Variants in TENM2 observed in about 807,000 individuals in gnomAD.
The protein encoded by TENM2 is teneurin-2.
TENM2 carries 52 observed loss-of-function variants against 245.2 expected under a neutral mutation model. The observed-to-expected ratio is 0.21, with a 90% confidence interval of 0.17 to 0.27. The LOEUF (loss-of-function observed/expected upper bound fraction) is 0.27, where lower values mean the gene tolerates loss of function less well. Ranked by LOEUF, TENM2 falls within the 10% of genes least tolerant of loss-of-function variation. The pLI, the probability that TENM2 is intolerant of heterozygous loss-of-function variation, is 1.00. For missense variants in TENM2, 3,046 were observed against 3,666.8 expected (o/e 0.83, Z 4.37); for synonymous variants, 1,363 against 1,438.9 (o/e 0.95, Z 1.19).
chr5:168,249,519 G>T (rs1766908227), intron 27 of TENM2, among the ~76,000 whole-genome samples: 2 of 151,644 alleles, frequency 1.3e-5, no homozygotes, highest in South Asian at 4.2e-4. Context: ...GCATAATACA[G>T]AAGGGCTCAT....
At chr5:168,219,711 C>G (rs1371287125) in intron 23 of TENM2, among the ~76,000 whole-genome samples, 1 of 150,520 alleles carries the variant, frequency 6.6e-6, no homozygotes, top group African/African-American at 2.5e-5. Flanking sequence ...ATCTGGCTCT[C>G]CTAGGTGATG....
chr5:167,654,622 G>C (rs1754717127), intron 2 of TENM2, among the ~76,000 whole-genome samples: 1 of 150,834 alleles, frequency 6.6e-6, no homozygotes, highest in South Asian at 2.1e-4. Flanking sequence ...CTTCATTTTG[G>C]AGTCATCTAG....
At chr5:168,057,418 T>C (rs899470020) in intron 6 of TENM2, among the ~76,000 whole-genome samples, 4 of 152,082 alleles carry the variant, frequency 2.6e-5, no homozygotes, top group African/African-American at 9.7e-5. Context: ...TAATAAGGAA[T>C]GCCATTTAAG....
chr5:167,508,110 A>G (rs1401041078), intron 2 of TENM2, among the ~76,000 whole-genome samples: 2 of 152,180 alleles, frequency 1.3e-5, no homozygotes, highest in African/African-American at 4.8e-5. Context: ...GCACCCAGCC[A>G]GTTTGTTACA....
At chr5:167,062,814 G>A in the TENM2 span, among the ~76,000 whole-genome samples, 1 of 152,182 alleles carries the variant, frequency 6.6e-6, no homozygotes, top group African/African-American at 2.4e-5. Flanking sequence ...GCTGATCAAT[G>A]AGAACTTCTT....
At chr5:167,097,877 C>T in the TENM2 span, among the ~76,000 whole-genome samples, 2 of 152,294 alleles carry the variant, frequency 1.3e-5, no homozygotes, top group East Asian at 1.9e-4. Flanking sequence ...TCGACTACTT[C>T]TCTTTCCTTG....
At chr5:167,723,468 C>G (rs1246487950) in intron 2 of TENM2, among the ~76,000 whole-genome samples, 1 of 152,230 alleles carries the variant, frequency 6.6e-6, no homozygotes, top group African/African-American at 2.4e-5. Context: ...CCAGAGGGCG[C>G]CTGACACGTG....
chr5:167,824,135 C>G (rs1767767884), intron 2 of TENM2, among the ~76,000 whole-genome samples: 1 of 152,204 alleles, frequency 6.6e-6, no homozygotes, highest in East Asian at 1.9e-4. Flanking sequence ...TTCATGACCA[C>G]CATCCTAACC....
chr5:167,946,441 T>G (rs775417597), intron 3 of TENM2, among the ~76,000 whole-genome samples: 1 of 152,188 alleles, frequency 6.6e-6, no homozygotes, highest in Admixed American at 6.5e-5. Flanking sequence ...CACTGCAGTT[T>G]GGCTGTTCTG....
the TENM2 span, among the ~76,000 whole-genome samples, chr5:167,064,696 C>T: frequency 6.6e-6 from 1 of 152,078 alleles, no homozygotes; most frequent in African/African-American, 2.4e-5. Context: ...TACCTTGCTA[C>T]GAGAACAACT....
chr5:167,952,762 C>G, exon 4 of TENM2: 2 of 1,583,410 alleles, frequency 1.3e-6, no homozygotes, highest in Non-Finnish European at 1.7e-6. Flanking sequence ...GCCACCACAC[C>G]AGAGTCCGTT....
At chr5:167,765,067 G>A (rs1762919427) in intron 2 of TENM2, among the ~76,000 whole-genome samples, 1 of 152,044 alleles carries the variant, frequency 6.6e-6, no homozygotes, top group African/African-American at 2.4e-5. Flanking sequence ...CTGGCGAGAG[G>A]CCTTATTGCA....
the TENM2 span, among the ~76,000 whole-genome samples, chr5:167,096,713 A>G: frequency 1.3e-5 from 2 of 152,212 alleles, no homozygotes; most frequent in East Asian, 1.9e-4. Context: ...TATGTATACA[A>G]TCTTGGGAAG....
At chr5:167,530,294 A>C (rs12656403) in intron 2 of TENM2, among the ~76,000 whole-genome samples, 12,933 of 152,272 alleles carry the variant, frequency 0.085, 598 homozygotes, top group South Asian at 0.19. Flanking sequence ...AGTTTTAAAA[A>C]ATGAAGAATA....
chr5:167,539,819 T>G (rs1429575604), intron 2 of TENM2, among the ~76,000 whole-genome samples: 1 of 152,192 alleles, frequency 6.6e-6, no homozygotes, highest in African/African-American at 2.4e-5. Context: ...ATCTTATTAA[T>G]ATTTATGAAA....
chr5:167,730,333 A>G (rs967658488), intron 2 of TENM2, among the ~76,000 whole-genome samples: 3 of 152,200 alleles, frequency 2.0e-5, no homozygotes, highest in Admixed American at 1.3e-4. Flanking sequence ...GGTATGAGTA[A>G]TACTCTAGAT....
intron 2 of TENM2, among the ~76,000 whole-genome samples, chr5:167,737,254 T>C (rs1430067624): frequency 6.6e-6 from 1 of 152,172 alleles, no homozygotes; most frequent in East Asian, 1.9e-4. Context: ...AAATGTTCTG[T>C]GGTTCATACA....
chr5:167,089,785 C>T, the TENM2 span, among the ~76,000 whole-genome samples: 20 of 152,196 alleles, frequency 1.3e-4, no homozygotes, highest in Admixed American at 5.9e-4. Flanking sequence ...TTCGCTCAGG[C>T]CTAGTTGACA....
the TENM2 span, among the ~76,000 whole-genome samples, chr5:167,165,587 G>T: frequency 1.3e-5 from 2 of 152,032 alleles, no homozygotes; most frequent in African/African-American, 2.4e-5. Context: ...TTAAAGATAG[G>T]TTTGGTGAAC....
Sources: gnomAD v4.1 joint callset for allele counts (sites outside exome capture counted in the v4.1 genomes callset) on GRCh38, gnomAD v4.1.1 for gene constraint, MANE v1.5 for transcripts, NCBI Gene and HGNC (gene_info 2026-07-23, HGNC 2026-07-21) for gene names.